IL2RA: variants seen among roughly 807,000 people sequenced by gnomAD.
IL2RA encodes interleukin-2 receptor subunit alpha.
IL2RA carries 24 observed loss-of-function variants against 37.8 expected under a neutral mutation model. That is an observed-to-expected ratio of 0.63 (90% CI 0.46 to 0.89). The LOEUF (loss-of-function observed/expected upper bound fraction) is 0.89. Ranked by LOEUF, IL2RA falls within the 40% of genes least tolerant of loss-of-function variation. The probability of loss-of-function intolerance (pLI) is 0.00; values close to 1 mark genes in which losing one functional copy is unlikely to be tolerated. For synonymous variants in IL2RA, 125 were observed against 114.6 expected (o/e 1.09, Z -0.58); for missense variants, 319 against 348.6 (o/e 0.92, Z 0.68).
At chr10:6,051,842 T>G (rs182122086) in intron 1 of IL2RA, among the ~76,000 whole-genome samples, 3,248 of 124,930 alleles carry the variant, frequency 0.026, 568 homozygotes, top group East Asian at 0.25. Context: ...TATATATATA[T>G]AGAATTTTTT....
intron 7 of IL2RA, among the ~76,000 whole-genome samples, chr10:6,013,834 T>A (rs1839232215): frequency 2.0e-5 from 3 of 146,734 alleles, no homozygotes; most frequent in South Asian, 2.2e-4. Flanking sequence ...ATATTTTAAT[T>A]TTTTTTTTTT....
chr10:6,058,925 A>C lies in IL2RA; in HGVS notation c.64+3163T>G, dbSNP rs187350528. On this transcript the variant is annotated intron_variant, in intron 1 of 7. Transcript: ENST00000379959. The surrounding 1 kb of genome is among the most constrained non-coding windows in gnomAD (Gnocchi z 4.2). ...TCCTCATAAACCCTTGCCATGTTAA[A>C]TGGTGGCTTTGGAAATTTTCAGAAT... 1.4e-4 allele frequency among the ~76,000 whole-genome samples: 22 copies of C among 152,342 alleles called. No individual in the cohort carries two copies. The highest frequency in any genetic ancestry group is 2.5e-4 in the Non-Finnish European group (17 of 68,024).
chr10:6,023,842 T>C (rs1368980103), intron 3 of IL2RA, among the ~76,000 whole-genome samples: 3 of 152,200 alleles, frequency 2.0e-5, no homozygotes, highest in Non-Finnish European at 2.9e-5. Flanking sequence ...TTGCGGTGCG[T>C]TGTCTTGTGC....
intron 1 of IL2RA, among the ~76,000 whole-genome samples, chr10:6,034,368 C>T (rs1247875237): frequency 6.6e-6 from 1 of 152,038 alleles, no homozygotes; most frequent in African/African-American, 2.4e-5. Flanking sequence ...CTGAAGGCAG[C>T]AGGAGGTAGA....
At chr10:6,034,730 C>T (rs940075595) in intron 1 of IL2RA, among the ~76,000 whole-genome samples, 1 of 152,154 alleles carries the variant, frequency 6.6e-6, no homozygotes, top group Non-Finnish European at 1.5e-5. Flanking sequence ...ACACTTCCTC[C>T]TGTCTTTCCA....
intron 1 of IL2RA, among the ~76,000 whole-genome samples, chr10:6,042,147 G>GTAAAAAAAAAAAAAAAAAAA (rs1564549478): frequency 8.3e-4 from 1 of 1,210 alleles, no homozygotes; most frequent in East Asian, 0.028. Context: ...AATGTATTAA[G>GTAAAAAAAAAAAAAAAAAAA]CAAAAAAAAA....
rs1396435901 is a variant in IL2RA, at chr10:6,033,899, T to G, written c.65-7874A>C. On this transcript the variant is annotated intron_variant, in intron 1 of 7. Coordinates refer to ENST00000379959, the MANE Select transcript of IL2RA (RefSeq NM_000417.3). The surrounding 1 kb of genome is among the most constrained non-coding windows in gnomAD (Gnocchi z 4.3). The stretch of plus-strand genomic sequence containing the variant: ...CTATGCATTTCTTTATAAGTAATTT[T>G]AGCTCAACAAAATGAGCGAGAAGCA... Among the ~76,000 whole-genome samples the G allele has an allele frequency of 1.3e-5, 2 of 152,270 alleles. No individual in the cohort carries two copies. The highest frequency in any genetic ancestry group is 2.9e-5 in the Non-Finnish European group (2 of 68,046).
At position 6,021,127 on chromosome 10, in the gene IL2RA, G is replaced by T. The variant is rs1206062175; in HGVS notation, c.583+351C>A. On this transcript the variant is annotated intron_variant, in intron 4 of 7. Coordinates refer to ENST00000379959, the MANE Select transcript of IL2RA (RefSeq NM_000417.3). This position sits in a 1 kb window ranked among gnomAD's most constrained non-coding sequence, Gnocchi z 4.9. ...AATGTGTGAGTGGGAAACTGGACTT[G>T]CCCTTGGAGCCAGAGGAGGCCTTGG... Among the ~76,000 whole-genome samples the T allele has an allele frequency of 6.6e-6, 1 of 152,094 alleles. No individual in the cohort carries two copies. Among genetic ancestry groups the T allele is most frequent in the East Asian group, 1.9e-4 (1 of 5,186 alleles).
At position 6,044,198 on chromosome 10, in the gene IL2RA, G is replaced by T. The variant is rs554805563; in HGVS notation, c.64+17890C>A. Among the ~76,000 whole-genome samples the T allele has an allele frequency of 3.3e-5, 5 of 152,368 alleles. 1 individual carries two copies. Among genetic ancestry groups the T allele is most frequent in the Admixed American group, 3.3e-4 (5 of 15,308 alleles). On this transcript the variant is annotated intron_variant, in intron 1 of 7. Transcript: ENST00000379959. The surrounding 1 kb of genome is among the most constrained non-coding windows in gnomAD (Gnocchi z 4.5). Reference sequence around the variant, plus strand: ...TAGTGATGCAGGACAAGCGAGCCCCGAGGTGGGGCTTAGCCCGCAAGGGTT... The same window carrying T: ...TAGTGATGCAGGACAAGCGAGCCCCTAGGTGGGGCTTAGCCCGCAAGGGTT...
Position 6,021,662 on chromosome 10 carries a change from A to C in IL2RA, c.399T>G (p.Asn133Lys). 1 of 1,614,042 alleles carries C rather than the reference A, an allele frequency of 6.2e-7. No individual in the cohort carries two copies. ...GHCREPPPWE[N>K]EATERIYHFV... ...AATGATAAATTCTCTCTGTGGCTTCATTTTCCCATGGTGGAGGTTCCCTGC... is the reference window on the plus strand; with the variant it reads ...AATGATAAATTCTCTCTGTGGCTTCCTTTTCCCATGGTGGAGGTTCCCTGC... The change falls in exon 4 of 8, where the codon AAT (asparagine) becomes AAG (lysine). Residue 133 changes from asparagine to lysine, a missense_variant. Transcript: ENST00000379959. The surrounding 1 kb of genome is among the most constrained non-coding windows in gnomAD (Gnocchi z 4.9).
In IL2RA at chr10:6,047,605, A is replaced by T. The variant is rs1839885569; in HGVS notation, c.64+14483T>A. Among the ~76,000 whole-genome samples, 1 of 151,836 alleles carries T rather than the reference A, an allele frequency of 6.6e-6. No individual in the cohort carries two copies. On this transcript the variant is annotated intron_variant, in intron 1 of 7. Transcript: ENST00000379959. The surrounding 1 kb of genome is among the most constrained non-coding windows in gnomAD (Gnocchi z 5.0). The stretch of plus-strand genomic sequence containing the variant: ...CTTATTATGAATATGAAGGATAATT[A>T]ACGTATCTATTATTTTATTAGACAT...
Position 6,035,259 on chromosome 10 carries a change from C to T in IL2RA, c.65-9234G>A, listed in dbSNP as rs555698561. On this transcript the variant is annotated intron_variant, in intron 1 of 7. Transcript: ENST00000379959. The surrounding 1 kb of genome is among the most constrained non-coding windows in gnomAD (Gnocchi z 5.4). The stretch of plus-strand genomic sequence containing the variant: ...GAGAGCCAGGGGTTCCTTGGGCCCC[C>T]GCTAGGGGACTTTCTGTTTGCCCTG... 3.0e-4 allele frequency among the ~76,000 whole-genome samples: 46 copies of T among 152,344 alleles called. No individual in the cohort carries two copies. Among genetic ancestry groups the T allele is most frequent in the East Asian group, 2.3e-3 (12 of 5,188 alleles).
At chr10:6,061,087 T>A (rs540488796) in intron 1 of IL2RA, among the ~76,000 whole-genome samples, 2 of 152,150 alleles carry the variant, frequency 1.3e-5, no homozygotes, top group Non-Finnish European at 2.9e-5. Context: ...TGGTTTTTTA[T>A]TTCTTTAAAA....
At chr10:6,049,151 A>T (rs1214721862) in intron 1 of IL2RA, among the ~76,000 whole-genome samples, 1 of 152,258 alleles carries the variant, frequency 6.6e-6, no homozygotes, top group Admixed American at 6.5e-5. Context: ...GGTGTGGCTC[A>T]GTCTAAGACT....
Position 6,048,809 on chromosome 10 carries a change from C to T in IL2RA, c.64+13279G>A, listed in dbSNP as rs996897009. On this transcript the variant is annotated intron_variant, in intron 1 of 7. Coordinates refer to ENST00000379959, the MANE Select transcript of IL2RA (RefSeq NM_000417.3). The surrounding 1 kb of genome is among the most constrained non-coding windows in gnomAD (Gnocchi z 5.3). ...CTGACTGAGACCCCTCTGGGATGTT[C>T]TGTTCCTTCCAGGACACAGTTTAAG... Among the ~76,000 whole-genome samples, 2 of 152,214 alleles carry T rather than the reference C, an allele frequency of 1.3e-5. No homozygotes were observed. Among genetic ancestry groups the T allele is most frequent in the Non-Finnish European group, 2.9e-5 (2 of 68,040 alleles).
intron 1 of IL2RA, among the ~76,000 whole-genome samples, chr10:6,050,122 G>A (rs1024217678): frequency 2.6e-5 from 4 of 152,176 alleles, no homozygotes; most frequent in Admixed American, 2.0e-4. Flanking sequence ...AGGGCATCAC[G>A]ACAGGTGCTT....
In IL2RA at chr10:6,033,606, A is replaced by G. The variant is rs573939612; in HGVS notation, c.65-7581T>C. Among the ~76,000 whole-genome samples the G allele has an allele frequency of 1.1e-4, 17 of 152,356 alleles. No individual in the cohort carries two copies. In the South Asian group the frequency reaches 3.5e-3, roughly 32 times the overall value. The stretch of plus-strand genomic sequence containing the variant: ...ATAGTCATACTATAGAAACCATTCA[A>G]AAATAAAAAATAATGAACTATTGAT... On this transcript the variant is annotated intron_variant, in intron 1 of 7. Transcript: ENST00000379959. The surrounding 1 kb of genome is among the most constrained non-coding windows in gnomAD (Gnocchi z 4.3).
chr10:6,030,076 G>A (rs779941882), intron 1 of IL2RA, among the ~76,000 whole-genome samples: 28 of 152,134 alleles, frequency 1.8e-4, no homozygotes, highest in Non-Finnish European at 3.5e-4. Flanking sequence ...GGGCTTGAAG[G>A]CAAATCAATA....
rs1839323910 is a variant in IL2RA at position 6,018,892 on chromosome 10, T to C, written c.727+536A>G. Among the ~76,000 whole-genome samples the C allele has an allele frequency of 6.7e-6, 1 of 149,436 alleles. No homozygotes were observed. Among genetic ancestry groups the C allele is most frequent in the Non-Finnish European group, 1.5e-5 (1 of 67,204 alleles). On this transcript the variant is annotated intron_variant, in intron 6 of 7. Transcript: ENST00000379959. This position sits in a 1 kb window ranked among gnomAD's most constrained non-coding sequence, Gnocchi z 5.1. ...CAAACCTACTAACCTACCAACAAAC[T>C]AACCAACCAACCAATCTACCAATCT...
Sources: allele counts gnomAD v4.1 joint callset (sites outside exome capture counted in the v4.1 genomes callset), GRCh38; gene constraint gnomAD v4.1.1; non-coding constraint Gnocchi (gnomAD v3.1); transcripts MANE v1.5; gene names NCBI Gene and HGNC (gene_info 2026-07-23, HGNC 2026-07-21).